HDAC9: variants seen among roughly 807,000 people sequenced by gnomAD.
The protein encoded by HDAC9 is MEF-2 interacting transcription repressor (MITR) protein.
HDAC9 carries 41 observed loss-of-function variants against 139.4 expected under a neutral mutation model. The observed-to-expected ratio is 0.29, with a 90% confidence interval of 0.23 to 0.38. The LOEUF (loss-of-function observed/expected upper bound fraction) is 0.38. Ranked by LOEUF, HDAC9 falls within the 10% of genes least tolerant of loss-of-function variation. The pLI is 1.00. For missense variants in HDAC9, 1,147 were observed against 1,297.0 expected (o/e 0.88, Z 1.78); for synonymous variants, 517 against 476.2 (o/e 1.09, Z -1.12).
At chr7:18,965,617 C>G (rs1331581252) in intron 24 of HDAC9, among the ~76,000 whole-genome samples, 1 of 152,220 alleles carries the variant, frequency 6.6e-6, no homozygotes, top group Non-Finnish European at 1.5e-5. Flanking sequence ...TTGTAGGTAT[C>G]TAGAGTTTAA....
intron 12 of HDAC9, among the ~76,000 whole-genome samples, chr7:18,698,967 A>C (rs990606961): frequency 6.6e-6 from 1 of 152,230 alleles, no homozygotes; most frequent in Non-Finnish European, 1.5e-5. Context: ...TGGGAAAAAG[A>C]CTTTTCATTT....
intron 22 of HDAC9, among the ~76,000 whole-genome samples, chr7:18,911,910 C>G (rs1294527001): frequency 6.6e-6 from 1 of 152,026 alleles, no homozygotes; most frequent in Non-Finnish European, 1.5e-5. Flanking sequence ...TGTTTTGTAG[C>G]CTACTATATG....
intron 2 of HDAC9, among the ~76,000 whole-genome samples, chr7:18,255,690 G>A (rs769318469): frequency 3.5e-5 from 5 of 143,222 alleles, no homozygotes; most frequent in Admixed American, 7.5e-5. Context: ...GCGCGGTGAC[G>A]TGATTTCGGC....
chr7:18,622,598 G>T (rs533160010), intron 6 of HDAC9, among the ~76,000 whole-genome samples: 1 of 151,638 alleles, frequency 6.6e-6, no homozygotes, highest in Non-Finnish European at 1.5e-5. Flanking sequence ...CTGGGATTAC[G>T]GGTGTGAGCC....
At chr7:18,208,882 A>G (rs940526539) in intron 2 of HDAC9, among the ~76,000 whole-genome samples, 1 of 152,216 alleles carries the variant, frequency 6.6e-6, no homozygotes, top group Admixed American at 6.5e-5. Flanking sequence ...TGAAATAATA[A>G]TTGAGTCAGG....
chr7:18,498,226 A>G (rs1019845084), intron 2 of HDAC9, among the ~76,000 whole-genome samples: 3 of 152,100 alleles, frequency 2.0e-5, no homozygotes, highest in Admixed American at 2.0e-4. Context: ...TATATTTCAT[A>G]TATGTTCTTA....
intron 2 of HDAC9, among the ~76,000 whole-genome samples, chr7:18,255,314 G>A (rs1795160393): frequency 6.6e-6 from 1 of 152,178 alleles, no homozygotes; most frequent in South Asian, 2.1e-4. Context: ...ATATGGCAGA[G>A]TGAGATTCTT....
At chr7:18,354,424 C>G (rs896759669) in intron 1 of HDAC9, among the ~76,000 whole-genome samples, 1 of 152,144 alleles carries the variant, frequency 6.6e-6, no homozygotes, top group Non-Finnish European at 1.5e-5. Flanking sequence ...TTATAAAGCT[C>G]TGCTCTACGG....
intron 23 of HDAC9, among the ~76,000 whole-genome samples, chr7:18,948,316 C>A (rs1484161243): frequency 6.6e-6 from 1 of 151,784 alleles, no homozygotes; most frequent in African/African-American, 2.4e-5. Context: ...TGAAGAAAAT[C>A]TATTAAAAGA....
intron 1 of HDAC9, among the ~76,000 whole-genome samples, chr7:18,458,208 T>G (rs1793519863): frequency 6.6e-6 from 1 of 152,170 alleles, no homozygotes. Flanking sequence ...CGTGGATGGT[T>G]GACCAGAATT....
chr7:18,707,431 A>G (rs927307518), intron 12 of HDAC9, among the ~76,000 whole-genome samples: 1 of 152,232 alleles, frequency 6.6e-6, no homozygotes. Context: ...TATAGAGCAG[A>G]AAAATTGAAA....
chr7:18,697,584 T>A (rs1340307206), intron 12 of HDAC9, among the ~76,000 whole-genome samples: 1 of 152,180 alleles, frequency 6.6e-6, no homozygotes, highest in African/African-American at 2.4e-5. Context: ...CCTTTTCAAC[T>A]GTAATACCAC....
At chr7:18,951,053 A>G (rs1467588211) in intron 23 of HDAC9, among the ~76,000 whole-genome samples, 1 of 152,008 alleles carries the variant, frequency 6.6e-6, no homozygotes, top group Non-Finnish European at 1.5e-5. Flanking sequence ...AGTACAGCGT[A>G]AATTTTAAAA....
At chr7:18,620,513 C>CT (rs199696034) in intron 6 of HDAC9, among the ~76,000 whole-genome samples, 153 of 135,714 alleles carry the variant, frequency 1.1e-3, no homozygotes, top group South Asian at 2.6e-3. Flanking sequence ...CTGAGTGGTA[C>CT]TTTTTTTTTT....
intron 17 of HDAC9, among the ~76,000 whole-genome samples, chr7:18,813,431 T>C (rs1794335204): frequency 6.8e-6 from 1 of 147,704 alleles, no homozygotes; most frequent in African/African-American, 2.5e-5. Flanking sequence ...CCAAAACAGA[T>C]TCATATTTGA....
At chr7:18,636,625 G>T (rs572414994) in intron 8 of HDAC9, among the ~76,000 whole-genome samples, 9 of 151,994 alleles carry the variant, frequency 5.9e-5, no homozygotes, top group Admixed American at 1.3e-4. Flanking sequence ...GCCTCTACAT[G>T]GTCTTCAGGT....
upstream of HDAC9, among the ~76,000 whole-genome samples, chr7:18,287,336 TTATTCTA>T (rs1767863136): frequency 6.6e-6 from 1 of 152,208 alleles, no homozygotes; most frequent in African/African-American, 2.4e-5. Context: ...ATACTCCAGT[TTATTCTA>T]TATAATTCCT....
At chr7:18,175,778 C>A (rs866232215) in intron 2 of HDAC9, among the ~76,000 whole-genome samples, 1 of 142,692 alleles carries the variant, frequency 7.0e-6, no homozygotes, top group Non-Finnish European at 1.5e-5. Context: ...ACCCCCCCCC[C>A]CCTTTTTTTA....
chr7:18,516,015 CATT>C (rs975162627), intron 2 of HDAC9, among the ~76,000 whole-genome samples: 4 of 152,172 alleles, frequency 2.6e-5, no homozygotes, highest in African/African-American at 9.7e-5. Flanking sequence ...ACTAAGGACA[CATT>C]ATTATTTTTA....
Sources: allele counts gnomAD v4.1 joint callset (sites outside exome capture counted in the v4.1 genomes callset), GRCh38; gene constraint gnomAD v4.1.1; transcripts MANE v1.5; gene names NCBI Gene and HGNC (gene_info 2026-07-23, HGNC 2026-07-21).